The following RESP18 variants were observed in gnomAD, a reference collection of about 807,000 sequenced individuals.
RESP18 encodes the protein regulated endocrine specific protein 18.
A neutral mutation model predicts 30.0 loss-of-function variants in RESP18; 30 were observed. That is an observed-to-expected ratio of 1.00 (90% CI 0.75 to 1.36). The LOEUF (loss-of-function observed/expected upper bound fraction) is 1.36, where lower values mean the gene tolerates loss of function less well. Among genes scored for constraint, RESP18 ranks in the 40% most tolerant of loss-of-function variants. The pLI is 0.00. For synonymous variants in RESP18, 117 were observed against 111.2 expected, an observed-to-expected ratio of 1.05 and a Z score of -0.33; for missense variants, 320 against 284.2, an observed-to-expected ratio of 1.13 and a Z score of -0.91.
chr2:219,327,456 T>A lies in RESP18; in HGVS notation c.*61A>T. 7.1e-7 allele frequency: 1 copy of A among 1,418,040 alleles called. No individual in the cohort carries two copies. The highest frequency in any genetic ancestry group is 9.8e-7 in the Non-Finnish European group (1 of 1,025,536). 87.8% of individuals were successfully genotyped at this position (1,418,040 alleles called of 1,614,324 possible). ...ATTCAAATCTGGGTCATCCAAGAACTGCTCCTCTGAAGGGCAATGGGAAGG... is the reference window on the plus strand; with the variant it reads ...ATTCAAATCTGGGTCATCCAAGAACAGCTCCTCTGAAGGGCAATGGGAAGG... On this transcript the variant is annotated 3_prime_UTR_variant, in exon 7 of 7. Coordinates refer to ENST00000333527, the MANE Select transcript of RESP18 (RefSeq NM_001007089.4).
rs1218413773 is a variant in RESP18, at chr2:219,327,522, C to A, written c.682G>T (p.Gly228Cys). The stretch of plus-strand genomic sequence containing the variant: ...GGCTTCACATGAGGTCTCAATCAGC[C>A]ACAGGGTTGCGGCCCACAGTAGGAA... The change falls in exon 7 of 7, where the codon GGC becomes TGC. Residue 228 changes from glycine to cysteine, a missense_variant. Physicochemically the swap from Gly to Cys is radical, Grantham distance 159. Coordinates refer to ENST00000333527, the MANE Select transcript of RESP18 (RefSeq NM_001007089.4). 6.4e-7 allele frequency: 1 copy of A among 1,551,586 alleles called. No homozygotes were observed. Among genetic ancestry groups the A allele is most frequent in the Non-Finnish European group, 8.7e-7 (1 of 1,146,930 alleles).
intron 2 of RESP18, among the ~76,000 whole-genome samples, chr2:219,331,920 A>G (rs566287542): frequency 6.6e-6 from 1 of 152,312 alleles, no homozygotes; most frequent in East Asian, 1.9e-4. Flanking sequence ...CTCTAAAACC[A>G]AAAATCAGGG....
intron 6 of RESP18, among the ~76,000 whole-genome samples, chr2:219,328,053 C>T (rs1187962348): frequency 6.6e-6 from 1 of 152,336 alleles, no homozygotes; most frequent in East Asian, 1.9e-4. Context: ...CAAGCCACCT[C>T]GGTCTCCCTG....
At chr2:219,330,535 G>GT (rs372888836) in intron 3 of RESP18, among the ~76,000 whole-genome samples, 2,336 of 130,948 alleles carry the variant, frequency 0.018, 37 homozygotes, top group South Asian at 0.036. Context: ...TTTCAGTTTT[G>GT]TTTTTTTTTT....
rs539298690 is a variant in RESP18, at chr2:219,330,741, C to T, written c.337+30G>A. On this transcript the variant is annotated intron_variant, in intron 3 of 6. Transcript: ENST00000333527. ...CCCCCCTCCCCATCTCTAACCAGGC[C>T]CCAACCTCTGTTCTCCAGCTTTTAC... The T allele has an allele frequency of 3.5e-4, 512 of 1,444,718 alleles. 2 individuals are homozygous for T. The highest frequency in any genetic ancestry group is 4.8e-4 in the Non-Finnish European group (501 of 1,052,642). 89.5% of individuals were successfully genotyped at this position (1,444,718 alleles called of 1,614,324 possible). A position where few individuals can be genotyped will look rare whatever the true frequency, so the allele number is the denominator to read the frequency against.
chr2:219,332,884 A>G lies in RESP18; in HGVS notation c.18-146T>C, dbSNP rs936336011. 14 of 738,338 alleles carry G rather than the reference A, an allele frequency of 1.9e-5. No homozygotes were observed. In the African/African-American group the frequency reaches 2.0e-4, roughly 10 times the overall value. 45.7% of individuals were successfully genotyped at this position (738,338 alleles called of 1,614,324 possible). ...CCTTTCGGGCATTAGCTGGGTCCCA[A>G]GAACCACCGCCTGTACTCCCAGTCC... On this transcript the variant is annotated intron_variant, in intron 1 of 6. Transcript: ENST00000333527.
intron 2 of RESP18, among the ~76,000 whole-genome samples, chr2:219,331,958 G>A (rs1559316376): frequency 6.6e-6 from 1 of 152,224 alleles, no homozygotes; most frequent in Admixed American, 6.5e-5. Flanking sequence ...AGGAGTTTGC[G>A]CTCTCTTCCC....
At chr2:219,329,907 C>CAT in intron 3 of RESP18, 143 bp from the exon 3 acceptor site, 1 of 780,696 alleles carries the variant, frequency 1.3e-6, no homozygotes. Context: ...AGTTGCTTAG[C>CAT]ATAGTGCCTA....
chr2:219,330,719 C>G, intron 3 of RESP18, 52 bp downstream of exon 2: 1 of 1,193,330 alleles, frequency 8.4e-7, no homozygotes, highest in Non-Finnish European at 1.2e-6. Flanking sequence ...CCCTCTTCCC[C>G]CCTCCCCATC....
At chr2:219,332,942 C>T (rs550871919) in intron 1 of RESP18, among the ~76,000 whole-genome samples, 198 bp from the exon 1 acceptor site, 1 of 152,194 alleles carries the variant, frequency 6.6e-6, no homozygotes, top group East Asian at 1.9e-4. Flanking sequence ...ACGTAAGATA[C>T]GGGTGCAAGT....
intron 2 of RESP18, 102 bp from the exon 2 acceptor site, chr2:219,330,977 A>T: frequency 1.4e-6 from 1 of 703,758 alleles, no homozygotes; most frequent in Non-Finnish European, 2.5e-6. Context: ...TGGACCCCTG[A>T]CCTCTGTTCC....
At chr2:219,331,806 G>A (rs1387512188) in intron 2 of RESP18, among the ~76,000 whole-genome samples, 1 of 152,214 alleles carries the variant, frequency 6.6e-6, no homozygotes, top group Non-Finnish European at 1.5e-5. Context: ...GCGGAATGTG[G>A]GCGAGACATC....
chr2:219,331,885 C>T (rs7562814), intron 2 of RESP18, among the ~76,000 whole-genome samples: 65,454 of 152,198 alleles, frequency 0.43, 19,126 homozygotes, highest in African/African-American at 0.83. Flanking sequence ...CCTCCCACAG[C>T]TGTTCCTGAA....
rs754649296 is a variant in RESP18 at position 219,329,679 on chromosome 2, G to C, written c.423C>G (p.Cys141Trp). The C allele has an allele frequency of 1.3e-6, 2 of 1,551,568 alleles. No individual in the cohort carries two copies. The highest frequency in any genetic ancestry group is 1.7e-6 in the Non-Finnish European group (2 of 1,146,986). The change falls in exon 4 of 7, where the codon TGC becomes TGG. Residue 141 changes from cysteine to tryptophan, a missense_variant. Physicochemically the swap from Cys to Trp is radical, Grantham distance 215. Coordinates refer to ENST00000333527, the MANE Select transcript of RESP18 (RefSeq NM_001007089.4). Reference sequence around the variant, plus strand: ...GGAAAAGTGCCTTCCCATCCTTCAGGCATGGTTCTTGGGGATGCAGTCTGC... The same window carrying C: ...GGAAAAGTGCCTTCCCATCCTTCAGCCATGGTTCTTGGGGATGCAGTCTGC...
intron 2 of RESP18, among the ~76,000 whole-genome samples, chr2:219,332,094 C>T (rs1424306205): frequency 6.6e-6 from 1 of 152,196 alleles, no homozygotes; most frequent in African/African-American, 2.4e-5. Context: ...CCTGCTTTCC[C>T]TCAGCGGTCC....
At position 219,332,762 on chromosome 2, in the gene RESP18, C is replaced by A. The variant is rs1008917208; in HGVS notation, c.18-24G>T. On this transcript the variant is annotated intron_variant, in intron 1 of 6. Transcript: ENST00000333527. Reference sequence around the variant, plus strand: ...ATCTGTTTAACCCTCCTCGGCAGTTCAGCCAATCGTGAGCGGGCCCTGCCC... The same window carrying A: ...ATCTGTTTAACCCTCCTCGGCAGTTAAGCCAATCGTGAGCGGGCCCTGCCC... The A allele has an allele frequency of 6.6e-7, 1 of 1,510,848 alleles. No individual in the cohort carries two copies. Among genetic ancestry groups the A allele is most frequent in the South Asian group, 1.3e-5 (1 of 79,994 alleles). The allele number at this position is 1,510,848 out of a possible 1,614,324, so 93.6% of individuals were successfully genotyped here.
chr2:219,329,042 T>A (rs1027571821), intron 5 of RESP18, 34 bp from the exon 5 acceptor site: 1 of 1,513,996 alleles, frequency 6.6e-7, no homozygotes, highest in African/African-American at 1.4e-5. Flanking sequence ...GTACCTTTGA[T>A]TAGGAATGGA....
At chr2:219,330,681 CAG>C (rs1380673029) in intron 3 of RESP18, 88 bp downstream of exon 2, 10 of 776,488 alleles carry the variant, frequency 1.3e-5, no homozygotes, top group African/African-American at 1.9e-5. Context: ...ATTTGGGGAA[CAG>C]AAAGCCTACC....
At chr2:219,332,426 T>C (rs910714535) in intron 2 of RESP18, 98 bp downstream of exon 1, 1 of 868,768 alleles carries the variant, frequency 1.2e-6, no homozygotes, top group Admixed American at 2.6e-5. Context: ...GCACATTCTT[T>C]TACTTCCAAG....
Sources: allele counts gnomAD v4.1 joint callset (sites outside exome capture counted in the v4.1 genomes callset), GRCh38; gene constraint gnomAD v4.1.1; transcripts MANE v1.5; gene names NCBI Gene and HGNC (gene_info 2026-07-23, HGNC 2026-07-21).